CDYL: variants seen among roughly 807,000 people sequenced by gnomAD.
CDYL encodes chromodomain Y like.
In CDYL, 8 loss-of-function variants were observed where a neutral mutation model predicts 47.3. The ratio of observed to expected loss-of-function variants is 0.17; its 90% confidence interval spans 0.10 to 0.31. CDYL has a LOEUF of 0.31. CDYL is among the 10% of genes least tolerant of loss of function. CDYL has a pLI of 1.00. For synonymous variants in CDYL, 266 were observed against 265.0 expected, an observed-to-expected ratio of 1.00 and a Z score of -0.04; for missense variants, 471 against 701.4, an observed-to-expected ratio of 0.67 and a Z score of 3.71.
intron 5 of CDYL, among the ~76,000 whole-genome samples, chr6:4,944,720 G>A (rs528766043): frequency 6.6e-6 from 1 of 152,328 alleles, no homozygotes; most frequent in Non-Finnish European, 1.5e-5. Flanking sequence ...AACCTGAAAT[G>A]TTTAACCTGG....
chr6:4,867,370 C>G (rs1185708682), intron 1 of CDYL, among the ~76,000 whole-genome samples: 1 of 152,070 alleles, frequency 6.6e-6, no homozygotes, highest in Non-Finnish European at 1.5e-5. Flanking sequence ...TGCAGACTTG[C>G]TGAGAATGAA....
At chr6:4,847,702 A>G (rs1398658151) in intron 1 of CDYL, among the ~76,000 whole-genome samples, 1 of 152,202 alleles carries the variant, frequency 6.6e-6, no homozygotes, top group Admixed American at 6.5e-5. Context: ...GTAATTTCAA[A>G]TTTCATACTT....
chr6:4,788,294 A>G (rs1230148144), intron 1 of CDYL, among the ~76,000 whole-genome samples: 2 of 151,508 alleles, frequency 1.3e-5, no homozygotes, highest in Admixed American at 6.6e-5. Context: ...GTTCAAGACC[A>G]GCCTGGCCAA....
intron 4 of CDYL, among the ~76,000 whole-genome samples, chr6:4,941,787 G>A (rs1198940428): frequency 2.0e-5 from 3 of 151,884 alleles, no homozygotes; most frequent in South Asian, 2.1e-4. Flanking sequence ...TTTGATCATC[G>A]CTTTTATGTT....
intron 1 of CDYL, among the ~76,000 whole-genome samples, chr6:4,822,173 A>G (rs1759858369): frequency 6.7e-6 from 1 of 149,996 alleles, no homozygotes; most frequent in African/African-American, 2.5e-5. Flanking sequence ...TTCTGTAGAG[A>G]TGGGGTTGGC....
chr6:4,814,671 G>A (rs182037180), intron 1 of CDYL, among the ~76,000 whole-genome samples: 20 of 152,080 alleles, frequency 1.3e-4, no homozygotes, highest in East Asian at 9.7e-4. Context: ...GATTACAGCC[G>A]GCTACCATGC....
chr6:4,833,083 T>A (rs1760195155), intron 1 of CDYL, among the ~76,000 whole-genome samples: 1 of 146,060 alleles, frequency 6.8e-6, no homozygotes, highest in Non-Finnish European at 1.5e-5. Context: ...TCAGTTCTGC[T>A]CTGATTTTAG....
At chr6:4,728,562 T>C (rs932655633) in intron 2 of CDYL, among the ~76,000 whole-genome samples, 1 of 152,114 alleles carries the variant, frequency 6.6e-6, no homozygotes, top group African/African-American at 2.4e-5. Flanking sequence ...TTAATTAAAC[T>C]CTTCAGAGGT....
intron 5 of CDYL, among the ~76,000 whole-genome samples, chr6:4,948,574 G>A (rs1758600493): frequency 6.6e-6 from 1 of 152,164 alleles, no homozygotes; most frequent in African/African-American, 2.4e-5. Flanking sequence ...GAGACAACTT[G>A]GTTGTCACAC....
chr6:4,797,135 ATTC>A (rs754610880), intron 1 of CDYL, among the ~76,000 whole-genome samples: 2 of 152,122 alleles, frequency 1.3e-5, no homozygotes, highest in African/African-American at 4.8e-5. Context: ...AGAATTTTTA[ATTC>A]TTTTCAGTGT....
In CDYL at chr6:4,796,656, G is replaced by A. The variant is rs1759080429; in HGVS notation, c.24+19849G>A. On this transcript the variant is annotated intron_variant, in intron 1 of 6. Transcript: ENST00000397588. ...ACTTAATGAATTTTTCCCTTAAAAT[G>A]TGTTTATGTTGCTGTAATAACTAGT... Among the ~76,000 whole-genome samples the A allele has an allele frequency of 2.6e-5, 4 of 152,224 alleles. No homozygotes were observed. In the South Asian group the frequency reaches 8.3e-4, roughly 32 times the overall value.
chr6:4,867,998 C>CT (rs1561678451), intron 1 of CDYL, among the ~76,000 whole-genome samples: 1 of 151,776 alleles, frequency 6.6e-6, no homozygotes, highest in African/African-American at 2.4e-5. Context: ...CATCTCTCTT[C>CT]TTTTTTTGGG....
At chr6:4,824,969 C>G (rs925303496) in intron 1 of CDYL, among the ~76,000 whole-genome samples, 1 of 151,970 alleles carries the variant, frequency 6.6e-6, no homozygotes, top group Non-Finnish European at 1.5e-5. Flanking sequence ...CTCCTGAGTT[C>G]AAGCAATTTT....
At chr6:4,753,159 G>C (rs549551545) in intron 3 of CDYL, among the ~76,000 whole-genome samples, 2 of 152,088 alleles carry the variant, frequency 1.3e-5, no homozygotes, top group African/African-American at 4.8e-5. Flanking sequence ...CAATCTGCCC[G>C]CCTCTGCCTC....
At chr6:4,751,193 A>G (rs997359627) in intron 3 of CDYL, among the ~76,000 whole-genome samples, 11 of 152,070 alleles carry the variant, frequency 7.2e-5, no homozygotes, top group African/African-American at 2.7e-4. Context: ...AGTAGCCTAG[A>G]GTTTATTTTT....
At chr6:4,783,396 G>C (rs1251357298) in intron 1 of CDYL, among the ~76,000 whole-genome samples, 1 of 150,092 alleles carries the variant, frequency 6.7e-6, no homozygotes, top group African/African-American at 2.5e-5. Flanking sequence ...CTTCTGCCTT[G>C]CCTTTGCACT....
At chr6:4,938,243 T>TG (rs979106715) in intron 4 of CDYL, among the ~76,000 whole-genome samples, 6 of 152,050 alleles carry the variant, frequency 3.9e-5, no homozygotes, top group African/African-American at 1.2e-4. Context: ...GTTTTTTTTT[T>TG]TTGTTTCTTT....
At chr6:4,874,281 T>C (rs1477345422) in intron 1 of CDYL, among the ~76,000 whole-genome samples, 1 of 152,216 alleles carries the variant, frequency 6.6e-6, no homozygotes, top group Non-Finnish European at 1.5e-5. Context: ...TAATAAGCCA[T>C]AGCCTCTTAT....
intron 2 of CDYL, among the ~76,000 whole-genome samples, chr6:4,903,947 G>A (rs1757147765): frequency 6.6e-6 from 1 of 152,244 alleles, no homozygotes; most frequent in African/African-American, 2.4e-5. Context: ...CCACATGGCA[G>A]GCAGGTGTGA....
Sources: gnomAD v4.1 joint callset for allele counts (sites outside exome capture counted in the v4.1 genomes callset) on GRCh38, gnomAD v4.1.1 for gene constraint, MANE v1.5 for transcripts, NCBI Gene and HGNC (gene_info 2026-07-23, HGNC 2026-07-21) for gene names.